CCDC93: variants seen among roughly 807,000 people sequenced by gnomAD.
CCDC93 encodes the protein coiled-coil domain-containing protein 93.
Under a neutral mutation model 108.2 loss-of-function variants are expected in CCDC93, and 61 were observed. The observed-to-expected ratio is 0.56, with a 90% CI of 0.46 to 0.70. The LOEUF (loss-of-function observed/expected upper bound fraction) is 0.70. Among genes scored for constraint, CCDC93 ranks in the 30% least tolerant of loss-of-function variants. The pLI is 0.00. For synonymous variants in CCDC93, 276 were observed against 260.4 expected, an observed-to-expected ratio of 1.06 and a Z score of -0.58; for missense variants, 685 against 764.2, an observed-to-expected ratio of 0.90 and a Z score of 1.22.
intron 20 of CCDC93, 32 bp from the exon 21 acceptor site, chr2:117,936,771 A>G (rs1430872257): frequency 6.3e-7 from 1 of 1,592,732 alleles, no homozygotes; most frequent in African/African-American, 1.3e-5. Flanking sequence ...CGAAATTATA[A>G]GACAGGCAAA....
At chr2:117,954,347 A>G (rs892229513) in intron 12 of CCDC93, among the ~76,000 whole-genome samples, 4 of 152,174 alleles carry the variant, frequency 2.6e-5, no homozygotes, top group African/African-American at 9.7e-5. Flanking sequence ...CTTCACCAAC[A>G]AAGACTTACC....
chr2:117,928,524 G>A (rs1314216998), intron 23 of CCDC93, among the ~76,000 whole-genome samples: 2 of 152,160 alleles, frequency 1.3e-5, no homozygotes, highest in Admixed American at 1.3e-4. Context: ...CATCATCACT[G>A]GCCATCAGAG....
chr2:117,985,146 C>CAAAAA (rs11299175), intron 7 of CCDC93, among the ~76,000 whole-genome samples: 2 of 141,066 alleles, frequency 1.4e-5, no homozygotes, highest in African/African-American at 2.6e-5. Flanking sequence ...CAAAACAAAA[C>CAAAAA]AAAAAAAAAA....
At chr2:117,978,098 T>C in intron 7 of CCDC93, 68 bp from the exon 8 acceptor site, 1 of 1,409,830 alleles carries the variant, frequency 7.1e-7, no homozygotes, top group Non-Finnish European at 1.0e-6. Flanking sequence ...GAAATGCATT[T>C]TGGTTGACTT....
At chr2:118,013,661 C>T (rs1677081284) in intron 1 of CCDC93, among the ~76,000 whole-genome samples, 1 of 152,206 alleles carries the variant, frequency 6.6e-6, no homozygotes, top group African/African-American at 2.4e-5. Flanking sequence ...GCCCAGGACC[C>T]CGCGGCGCGT....
chr2:117,940,577 G>A (rs1678667906), intron 19 of CCDC93, among the ~76,000 whole-genome samples: 1 of 152,222 alleles, frequency 6.6e-6, no homozygotes, highest in Non-Finnish European at 1.5e-5. Context: ...TGTTAGCAGA[G>A]AGAGAAGTGA....
intron 4 of CCDC93, chr2:117,998,136 A>G (rs1301312734): frequency 6.6e-6 from 1 of 152,212 alleles, no homozygotes; most frequent in East Asian, 1.9e-4. Flanking sequence ...GGAGAAAAAG[A>G]TATGATCTAG....
intron 4 of CCDC93, chr2:117,998,085 A>T (rs906583577): frequency 5.3e-5 from 8 of 152,256 alleles, no homozygotes; most frequent in African/African-American, 1.9e-4. Context: ...CTAGCACTCA[A>T]GAAAAATATT....
At position 117,957,695 on chromosome 2, in the gene CCDC93, A is replaced by T. The variant is rs1679262820; in HGVS notation, c.1005+670T>A. ...TCTTCATTCATGACTCCCTGGCCAC[A>T]AAACAGACTGGCTAAGACCCTTCCT... On this transcript the variant is annotated intron_variant, in intron 12 of 23. Coordinates refer to ENST00000376300, the MANE Select transcript of CCDC93 (RefSeq NM_019044.5). Among the ~76,000 whole-genome samples, 3 of 152,196 alleles carry T rather than the reference A, an allele frequency of 2.0e-5. 1 individual carries two copies. In the South Asian group the frequency reaches 6.2e-4, roughly 32 times the overall value.
At position 117,986,037 on chromosome 2, in the gene CCDC93, G is replaced by T. The variant is rs1315492342; in HGVS notation, c.552C>A (p.Arg184=). Residue 184 remains arginine, a synonymous_variant, in exon 7 of 24, where the codon CGC becomes CGA. Coordinates refer to ENST00000376300, the MANE Select transcript of CCDC93 (RefSeq NM_019044.5). ...CAAGTAGCTCCTCTGCTCCCTGGTGGCGTTTGTATTTCCGACGGGGCTTGT... is the reference window on the plus strand; with the variant it reads ...CAAGTAGCTCCTCTGCTCCCTGGTGTCGTTTGTATTTCCGACGGGGCTTGT... ...EVYKPRRKYK[R]HQGAEELLDE... 4 of 1,613,718 alleles carry T rather than the reference G, an allele frequency of 2.5e-6. No homozygotes were observed. The highest frequency in any genetic ancestry group is 2.5e-6 in the Non-Finnish European group (3 of 1,179,716).
At chr2:118,004,412 C>A (rs755554544) in intron 3 of CCDC93, among the ~76,000 whole-genome samples, 10 of 152,194 alleles carry the variant, frequency 6.6e-5, no homozygotes, top group Non-Finnish European at 1.0e-4. Flanking sequence ...TGACAGAGAA[C>A]AAGGCCTCAA....
chr2:117,937,332 C>T (rs2104723820), intron 20 of CCDC93, among the ~76,000 whole-genome samples: 1 of 152,242 alleles, frequency 6.6e-6, no homozygotes, highest in East Asian at 1.9e-4. Context: ...GGCTCTGAGG[C>T]AGGAGTAAGG....
At chr2:117,995,839 G>T (rs983769916) in intron 5 of CCDC93, 4 of 192,860 alleles carry the variant, frequency 2.1e-5, no homozygotes, top group Non-Finnish European at 3.2e-5. Flanking sequence ...ATGAAACAGA[G>T]ATAAAAACGC....
chr2:117,934,297 G>A (rs1678450644), intron 22 of CCDC93, among the ~76,000 whole-genome samples: 1 of 152,152 alleles, frequency 6.6e-6, no homozygotes, highest in African/African-American at 2.4e-5. Flanking sequence ...ACTGACACCT[G>A]GGTTGTCAGA....
At chr2:117,989,423 G>A (rs1680412423) in intron 6 of CCDC93, among the ~76,000 whole-genome samples, 1 of 152,126 alleles carries the variant, frequency 6.6e-6, no homozygotes, top group Non-Finnish European at 1.5e-5. Context: ...AAGCAAACCT[G>A]TCAAAGCATC....
intron 22 of CCDC93, among the ~76,000 whole-genome samples, chr2:117,933,096 C>T (rs1203804833): frequency 6.6e-6 from 1 of 152,160 alleles, no homozygotes; most frequent in Non-Finnish European, 1.5e-5. Flanking sequence ...CCTAGTTCTG[C>T]CACTCACTGT....
intron 7 of CCDC93, 135 bp downstream of exon 7, chr2:117,985,834 G>T: frequency 1.7e-6 from 1 of 594,532 alleles, no homozygotes; most frequent in Non-Finnish European, 3.0e-6. Flanking sequence ...CCAGAGAAAA[G>T]TCCCTGATGT....
chr2:117,952,616 C>G (rs1010283973), intron 12 of CCDC93, among the ~76,000 whole-genome samples, 181 bp from the exon 13 acceptor site: 1 of 152,188 alleles, frequency 6.6e-6, no homozygotes, highest in Non-Finnish European at 1.5e-5. Flanking sequence ...GCACCAAGTA[C>G]ATGTCAGCTG....
chr2:117,965,332 C>A (rs1259982921), intron 11 of CCDC93, among the ~76,000 whole-genome samples: 1 of 152,146 alleles, frequency 6.6e-6, no homozygotes, highest in Non-Finnish European at 1.5e-5. Flanking sequence ...ACACTCACAT[C>A]TAAGCTTATT....
Sources: allele counts gnomAD v4.1 joint callset (sites outside exome capture counted in the v4.1 genomes callset), GRCh38; gene constraint gnomAD v4.1.1; transcripts MANE v1.5; gene names NCBI Gene and HGNC (gene_info 2026-07-23, HGNC 2026-07-21).